The following KLC4 variants were observed in gnomAD, a reference collection of about 807,000 sequenced individuals.
The protein encoded by KLC4 is kinesin-like protein 8.
Under a neutral mutation model 77.2 loss-of-function variants are expected in KLC4, and 49 were observed. The ratio of observed to expected loss-of-function variants is 0.63; its 90% CI spans 0.50 to 0.80. The LOEUF is 0.80. KLC4 is among the 30% of genes least tolerant of loss of function. KLC4 has a pLI of 0.00. For missense variants in KLC4, 669 were observed against 793.5 expected, an observed-to-expected ratio of 0.84 and a Z score of 1.89; for synonymous variants, 274 against 314.5, an observed-to-expected ratio of 0.87 and a Z score of 1.36.
intron 15 of KLC4, 30 bp downstream of exon 15, chr6:43,073,995 G>A (rs754213897): frequency 9.6e-6 from 15 of 1,561,876 alleles, no homozygotes; most frequent in Non-Finnish European, 1.3e-5. Context: ...GCATATTGGT[G>A]GGTGAGGAAA....
chr6:43,067,732 T>C (rs1157479378), intron 6 of KLC4, among the ~76,000 whole-genome samples: 1 of 146,608 alleles, frequency 6.8e-6, no homozygotes, highest in African/African-American at 2.5e-5. Flanking sequence ...GAGGCGGAGC[T>C]TGCAGTGAGC....
chr6:43,070,081 GACA>G (rs1210923495), intron 6 of KLC4, among the ~76,000 whole-genome samples: 31 of 134,610 alleles, frequency 2.3e-4, no homozygotes, highest in Middle Eastern at 4.0e-3. Context: ...TCTTCATGGT[GACA>G]ACAACAACAA....
At chr6:43,072,747 A>T in intron 12 of KLC4, 77 bp from the exon 13 acceptor site, 1 of 1,456,118 alleles carries the variant, frequency 6.9e-7, no homozygotes, top group East Asian at 2.3e-5. Context: ...CCAGTGGCTG[A>T]TGGTGAAAAA....
At chr6:43,065,503 G>C in intron 3 of KLC4, 117 bp from the exon 4 acceptor site, 1 of 677,430 alleles carries the variant, frequency 1.5e-6, no homozygotes, top group Middle Eastern at 3.1e-4. Context: ...GCAGAGACAG[G>C]AACAACAGTC....
At position 43,074,768 on chromosome 6, in the gene KLC4, G is replaced by C. The variant is rs1293112647; in HGVS notation, c.*96G>C. ...CTGGCTCTTCCCCACCCCTAGGTGG[G>C]ACAGTGAAGGGGAGCAGTTTAACCA... is the stretch of plus-strand genomic sequence containing the variant. On this transcript the variant is annotated 3_prime_UTR_variant, in exon 16 of 16. Coordinates refer to ENST00000347162, the MANE Select transcript of KLC4 (RefSeq NM_201521.3). 9.9e-7 allele frequency: 1 copy of C among 1,005,164 alleles called. No homozygotes were observed. The highest frequency in any genetic ancestry group is 1.6e-6 in the Non-Finnish European group (1 of 630,290). The allele number at this position is 1,005,164 out of a possible 1,614,324, so 62.3% of individuals were successfully genotyped here. A position where few individuals can be genotyped will look rare whatever the true frequency, so the allele number is the denominator to read the frequency against.
intron 3 of KLC4, 143 bp from the exon 4 acceptor site, chr6:43,065,477 G>A (rs1474503109): frequency 5.0e-6 from 3 of 595,400 alleles, no homozygotes; most frequent in Non-Finnish European, 9.1e-6. Flanking sequence ...TGGGCCACTT[G>A]CTAGCCTTTC....
At chr6:43,065,024 T>C (rs902282581) in intron 3 of KLC4, among the ~76,000 whole-genome samples, 2 of 151,902 alleles carry the variant, frequency 1.3e-5, no homozygotes, top group African/African-American at 4.8e-5. Context: ...GGGCCATAAT[T>C]ACAAGAGTTA....
At position 43,061,598 on chromosome 6, in the gene KLC4, G is replaced by T. The variant is rs780207676; in HGVS notation, c.258+5G>T. 1 of 1,604,786 alleles carries T rather than the reference G, an allele frequency of 6.2e-7. No homozygotes were observed. The highest frequency in any genetic ancestry group is 8.5e-7 in the Non-Finnish European group (1 of 1,173,298). ...CTCGGGCTGAGTGAGGCCCAGGTGA[G>T]AGGGCAAAGGTGGTGCCAAGTGGTC... On this transcript the variant is annotated splice_donor_5th_base_variant and intron_variant, in intron 2 of 15. Transcript: ENST00000347162.
intron 9 of KLC4, 52 bp from the exon 10 acceptor site, chr6:43,071,515 G>A (rs950624455): frequency 8.1e-6 from 13 of 1,596,110 alleles, no homozygotes; most frequent in South Asian, 1.1e-5. Flanking sequence ...CTGGCTCTCC[G>A]ACACTGTCTA....
chr6:43,061,324 C>T lies in KLC4; in HGVS notation c.-12C>T, dbSNP rs1268714578. On this transcript the variant is annotated 5_prime_UTR_variant, in exon 2 of 16. Transcript: ENST00000347162. ...GTTTCTCCCTAGACCGGGCAAGGTC[C>T]CCCAGGCCAGGATGTCAGGCCTGGT... The T allele has an allele frequency of 1.9e-6, 3 of 1,612,804 alleles. No individual in the cohort carries two copies.
At chr6:43,063,193 G>C in intron 3 of KLC4, 46 bp downstream of exon 3, 1 of 1,458,318 alleles carries the variant, frequency 6.9e-7, no homozygotes, top group Non-Finnish European at 9.5e-7. Context: ...GCAGCCGGGA[G>C]TTACCACAGA....
In KLC4 at chr6:43,063,584, A is replaced by C. The variant is rs886622351; in HGVS notation, c.489+437A>C. The stretch of plus-strand genomic sequence containing the variant: ...TTTTTTTTTTTTGAGACGGAGTTTC[A>C]CACTTGTTGCCTAGGCTGGAGTGCA... On this transcript the variant is annotated intron_variant, in intron 3 of 15. Coordinates refer to ENST00000347162, the MANE Select transcript of KLC4 (RefSeq NM_201521.3). 3.4e-5 allele frequency among the ~76,000 whole-genome samples: 5 copies of C among 146,550 alleles called. No individual in the cohort carries two copies. In the South Asian group the frequency reaches 1.1e-3, roughly 31 times the overall value.
chr6:43,074,893 G>T lies in KLC4; in HGVS notation c.*221G>T, dbSNP rs759598115. On this transcript the variant is annotated 3_prime_UTR_variant, in exon 16 of 16. Transcript: ENST00000347162. ...TCTCTGCACCCTGTGGTCCTCTAGA[G>T]TAGCTAGCTCTGAGGCCCCAAGGTG... is the stretch of plus-strand genomic sequence containing the variant. 1 of 567,096 alleles carries T rather than the reference G, an allele frequency of 1.8e-6. No homozygotes were observed. Among genetic ancestry groups the T allele is most frequent in the Admixed American group, 3.0e-5 (1 of 33,020 alleles). The allele number at this position is 567,096 out of a possible 1,614,324, so 35.1% of individuals were successfully genotyped here.
chr6:43,062,881 C>T, intron 2 of KLC4, 36 bp from the exon 3 acceptor site: 1 of 1,578,382 alleles, frequency 6.3e-7, no homozygotes, highest in Non-Finnish European at 8.7e-7. Flanking sequence ...AATACTCCCA[C>T]CCAGAATCTG....
chr6:43,069,959 A>G (rs1197639717), intron 6 of KLC4, among the ~76,000 whole-genome samples: 1 of 152,284 alleles, frequency 6.6e-6, no homozygotes, highest in East Asian at 1.9e-4. Context: ...ATATCCCATC[A>G]AATATCAATG....
rs1191316732 is a variant in KLC4 at position 43,066,966 on chromosome 6, G to A, written c.792-30G>A. 5.0e-6 allele frequency: 8 copies of A among 1,600,774 alleles called. No individual in the cohort carries two copies. The South Asian group carries it at 5.5e-5, about 11-fold the overall frequency. On this transcript the variant is annotated intron_variant, in intron 5 of 15. Transcript: ENST00000347162. ...GAAGGAGAAGGCTTGCGGGTTCAGG[G>A]TAACTCCTGTCACTTTTGTCTTCTT...
intron 4 of KLC4, among the ~76,000 whole-genome samples, chr6:43,066,094 G>A (rs767049821): frequency 3.3e-5 from 5 of 152,222 alleles, no homozygotes; most frequent in African/African-American, 7.2e-5. Context: ...ATAAATGTTT[G>A]TTGAATGCAT....
intron 1 of KLC4, chr6:43,060,956 G>C (rs1765118388): frequency 8.6e-6 from 2 of 232,030 alleles, no homozygotes; most frequent in Non-Finnish European, 1.7e-5. Context: ...CAGACCTTCT[G>C]TGATCCCCAT....
At chr6:43,071,446 C>A in intron 9 of KLC4, 72 bp downstream of exon 9, 1 of 1,542,528 alleles carries the variant, frequency 6.5e-7, no homozygotes, top group Non-Finnish European at 9.0e-7. Flanking sequence ...GGGGGTTAGG[C>A]CACAGCGGTT....
Sources: gnomAD v4.1 joint callset for allele counts (sites outside exome capture counted in the v4.1 genomes callset) on GRCh38, gnomAD v4.1.1 for gene constraint, MANE v1.5 for transcripts, NCBI Gene and HGNC (gene_info 2026-07-23, HGNC 2026-07-21) for gene names.